Variants in DMXL1 observed in about 807,000 individuals in gnomAD.
DMXL1 encodes dmX-like protein 1.
In DMXL1, 99 loss-of-function variants were observed where a neutral mutation model predicts 319.2. The observed-to-expected ratio is 0.31, with a 90% CI of 0.26 to 0.37. The LOEUF is 0.37. Ranked by LOEUF, DMXL1 falls within the 10% of genes least tolerant of loss-of-function variation. DMXL1 has a pLI of 1.00. For synonymous variants in DMXL1, 1,385 were observed against 1,235.2 expected (o/e 1.12, Z -2.54); for missense variants, 3,745 against 3,595.6 (o/e 1.04, Z -1.06).
intron 28 of DMXL1, among the ~76,000 whole-genome samples, chr5:119,178,917 C>A (rs1250394226): frequency 1.3e-5 from 2 of 151,690 alleles, no homozygotes; most frequent in African/African-American, 4.8e-5. Flanking sequence ...TATTTCTGTC[C>A]CTTAGACTTT....
chr5:119,094,309 G>A (rs1264861688), intron 1 of DMXL1, among the ~76,000 whole-genome samples: 1 of 152,188 alleles, frequency 6.6e-6, no homozygotes, highest in Non-Finnish European at 1.5e-5. Flanking sequence ...GAATCCTAGA[G>A]TCTTTAAGAA....
intron 42 of DMXL1, among the ~76,000 whole-genome samples, chr5:119,240,756 A>G (rs1788623206): frequency 6.6e-6 from 1 of 152,192 alleles, no homozygotes; most frequent in Non-Finnish European, 1.5e-5. Flanking sequence ...TAAACTCAAT[A>G]TTATGTCCCC....
At chr5:119,181,695 C>T (rs1245656236) in intron 28 of DMXL1, among the ~76,000 whole-genome samples, 1 of 152,114 alleles carries the variant, frequency 6.6e-6, no homozygotes, top group African/African-American at 2.4e-5. Flanking sequence ...GCCTGTAGAC[C>T]CAGCTACTCA....
chr5:119,108,516 C>G (rs1243835618), intron 4 of DMXL1, among the ~76,000 whole-genome samples: 1 of 152,128 alleles, frequency 6.6e-6, no homozygotes, highest in Non-Finnish European at 1.5e-5. Context: ...CTTGACTCCC[C>G]AGGCTTGAGT....
chr5:119,219,726 C>A (rs1458296879), intron 35 of DMXL1, among the ~76,000 whole-genome samples: 2 of 151,962 alleles, frequency 1.3e-5, no homozygotes, highest in Non-Finnish European at 1.5e-5. Flanking sequence ...TGCCACCATG[C>A]CCAACTAATT....
intron 1 of DMXL1, 125 bp downstream of exon 1, chr5:119,071,781 C>G (rs1279477226): frequency 2.6e-6 from 2 of 769,796 alleles, no homozygotes; most frequent in Admixed American, 3.0e-5. Context: ...CCTTACCACC[C>G]AGAACCCAGC....
intron 32 of DMXL1, among the ~76,000 whole-genome samples, chr5:119,202,867 ATATATATATATATATTTT>A (rs1254798477): frequency 3.7e-4 from 37 of 101,152 alleles, no homozygotes; most frequent in African/African-American, 1.2e-3. Flanking sequence ...ATACATACAT[ATATATATATATATATTTT>A]TATATATATA....
chr5:119,219,774 C>T (rs1039261617), intron 35 of DMXL1, among the ~76,000 whole-genome samples: 41 of 151,954 alleles, frequency 2.7e-4, no homozygotes, highest in Non-Finnish European at 8.8e-5. Flanking sequence ...TGCCATGTTG[C>T]CCAGGCTACT....
intron 28 of DMXL1, among the ~76,000 whole-genome samples, chr5:119,181,877 G>C (rs1205508607): frequency 1.3e-5 from 2 of 152,128 alleles, no homozygotes. Flanking sequence ...AGGGAAAGAA[G>C]CGAAGGTCCT....
At chr5:119,234,168 C>A (rs565032745) in intron 39 of DMXL1, among the ~76,000 whole-genome samples, 1 of 152,264 alleles carries the variant, frequency 6.6e-6, no homozygotes, top group African/African-American at 2.4e-5. Flanking sequence ...TTTGTTCAAA[C>A]TGCCCCCCTC....
At chr5:119,243,754 C>T (rs1270951093) in intron 42 of DMXL1, among the ~76,000 whole-genome samples, 1 of 151,960 alleles carries the variant, frequency 6.6e-6, no homozygotes, top group African/African-American at 2.4e-5. Flanking sequence ...TCCTTACCTA[C>T]TAATTCTGTC....
intron 1 of DMXL1, among the ~76,000 whole-genome samples, chr5:119,080,536 A>C (rs1751971282): frequency 6.6e-6 from 1 of 151,886 alleles, no homozygotes; most frequent in African/African-American, 2.4e-5. Context: ...TAATCCTCCC[A>C]CATTTTTCTT....
At chr5:119,207,133 A>C (rs901670344) in intron 34 of DMXL1, among the ~76,000 whole-genome samples, 1 of 152,180 alleles carries the variant, frequency 6.6e-6, no homozygotes, top group Non-Finnish European at 1.5e-5. Flanking sequence ...TTTGGCTACA[A>C]ATTTTTCTGA....
At chr5:119,166,594 C>T (rs753401794) in intron 21 of DMXL1, 22 bp from the exon 22 acceptor site, 1 of 1,573,950 alleles carries the variant, frequency 6.4e-7, no homozygotes, top group Non-Finnish European at 8.6e-7. Context: ...AAAATTTTCA[C>T]ACCATTTTTT....
intron 1 of DMXL1, among the ~76,000 whole-genome samples, chr5:119,078,778 C>T (rs1409202114): frequency 6.6e-6 from 1 of 152,210 alleles, no homozygotes. Context: ...CAAGGAGTTC[C>T]TATCATGCCT....
chr5:119,106,437 G>A (rs922760943), intron 4 of DMXL1, among the ~76,000 whole-genome samples: 7 of 152,070 alleles, frequency 4.6e-5, no homozygotes, highest in East Asian at 3.8e-4. Flanking sequence ...ACCATTCTAC[G>A]AAAGTGAGGG....
chr5:119,115,284 C>G (rs1297099500), intron 6 of DMXL1, among the ~76,000 whole-genome samples: 1 of 152,146 alleles, frequency 6.6e-6, no homozygotes, highest in Non-Finnish European at 1.5e-5. Flanking sequence ...TACCTTTTAG[C>G]TGATGTGTAT....
chr5:119,071,495 A>G lies in DMXL1; in HGVS notation c.-75A>G. The G allele has an allele frequency of 2.1e-6, 3 of 1,421,616 alleles. No individual in the cohort carries two copies. Among genetic ancestry groups the G allele is most frequent in the Admixed American group, 2.0e-5 (1 of 50,918 alleles). 88.1% of individuals were successfully genotyped at this position (1,421,616 alleles called of 1,614,324 possible). On this transcript the variant is annotated 5_prime_UTR_variant, in exon 1 of 44. Coordinates refer to ENST00000539542, the MANE Select transcript of DMXL1 (RefSeq NM_001290321.3). ...GAAGAGCGGCCGCCGCCCCTGAGGG[A>G]AGGAGGGAGGGAAGCAGCCGCTGAC...
At chr5:119,072,591 C>T (rs1329814383) in intron 1 of DMXL1, among the ~76,000 whole-genome samples, 4 of 152,014 alleles carry the variant, frequency 2.6e-5, no homozygotes, top group Non-Finnish European at 5.9e-5. Context: ...AAGTAAACAA[C>T]GTAACCAATG....
Sources: allele counts gnomAD v4.1 joint callset (sites outside exome capture counted in the v4.1 genomes callset), GRCh38; gene constraint gnomAD v4.1.1; transcripts MANE v1.5; gene names NCBI Gene and HGNC (gene_info 2026-07-23, HGNC 2026-07-21).